Variants in PTGER3 observed in about 807,000 individuals in gnomAD.
PTGER3 encodes prostaglandin E receptor 3.
Under a neutral mutation model 34.7 loss-of-function variants are expected in PTGER3, and 22 were observed. The observed-to-expected ratio is 0.63, with a 90% CI of 0.45 to 0.91. PTGER3 has a LOEUF of 0.91. PTGER3 is among the 40% of genes least tolerant of loss of function. The pLI, the probability that PTGER3 is intolerant of heterozygous loss-of-function variation, is 0.00. For synonymous variants in PTGER3, 241 were observed against 230.1 expected (o/e 1.05, Z -0.43); for missense variants, 468 against 519.4 (o/e 0.90, Z 0.96).
At chr1:71,045,677 T>G (rs74090225) in intron 1 of PTGER3, among the ~76,000 whole-genome samples, 1,721 of 152,230 alleles carry the variant, frequency 0.011, 37 homozygotes, top group African/African-American at 0.039. Context: ...TGTGAGGAGC[T>G]AGGACATGGA....
intron 4 of PTGER3, among the ~76,000 whole-genome samples, chr1:70,883,163 A>G (rs1646427992): frequency 6.6e-6 from 1 of 152,214 alleles, no homozygotes. Context: ...AAAATAGCAC[A>G]GTTGAAACTT....
At chr1:71,034,255 T>C (rs905995745) in intron 1 of PTGER3, among the ~76,000 whole-genome samples, 1 of 152,228 alleles carries the variant, frequency 6.6e-6, no homozygotes, top group African/African-American at 2.4e-5. Flanking sequence ...TTAAACCTAA[T>C]ATTTTAATCT....
chr1:70,930,347 G>C (rs567288612), intron 4 of PTGER3, among the ~76,000 whole-genome samples: 1 of 152,208 alleles, frequency 6.6e-6, no homozygotes, highest in Non-Finnish European at 1.5e-5. Flanking sequence ...TTATTATCTT[G>C]TCCTTACCTG....
chr1:70,938,711 AT>A (rs1394045172), intron 4 of PTGER3, among the ~76,000 whole-genome samples: 1 of 152,110 alleles, frequency 6.6e-6, no homozygotes, highest in East Asian at 1.9e-4. Context: ...GAAACCCCTG[AT>A]AAACCCATCA....
chr1:70,899,890 A>G (rs1300514958), intron 4 of PTGER3, among the ~76,000 whole-genome samples: 1 of 152,136 alleles, frequency 6.6e-6, no homozygotes, highest in Non-Finnish European at 1.5e-5. Flanking sequence ...ATATCCTTCA[A>G]TGACTCAGTA....
At chr1:70,922,720 TA>T (rs1647667189) in intron 4 of PTGER3, among the ~76,000 whole-genome samples, 1 of 152,176 alleles carries the variant, frequency 6.6e-6, no homozygotes, top group East Asian at 1.9e-4. Context: ...GTAAAGAAAG[TA>T]AAATGTGTTT....
At chr1:71,027,010 T>C (rs1461975238) in intron 1 of PTGER3, among the ~76,000 whole-genome samples, 1 of 152,156 alleles carries the variant, frequency 6.6e-6, no homozygotes, top group Non-Finnish European at 1.5e-5. Context: ...ACTCCCTCTC[T>C]CCTTAACGTG....
At chr1:70,975,110 T>C (rs1297404900) in intron 2 of PTGER3, among the ~76,000 whole-genome samples, 1 of 152,200 alleles carries the variant, frequency 6.6e-6, no homozygotes, top group African/African-American at 2.4e-5. Context: ...CGTATAGTTA[T>C]GTGTGTGATT....
chr1:71,009,117 T>A, intron 2 of PTGER3: 1 of 985,032 alleles, frequency 1.0e-6, no homozygotes. Flanking sequence ...ATAAAAAGCG[T>A]TGAATAAATA....
At chr1:70,866,195 T>C (rs1176789082) in intron 4 of PTGER3, among the ~76,000 whole-genome samples, 1 of 152,196 alleles carries the variant, frequency 6.6e-6, no homozygotes, top group Non-Finnish European at 1.5e-5. Context: ...AGAAGATGCC[T>C]AATACATATT....
At chr1:70,961,060 G>T (rs926457) in intron 2 of PTGER3, among the ~76,000 whole-genome samples, 35,785 of 152,060 alleles carry the variant, frequency 0.24, 4,368 homozygotes, top group Middle Eastern at 0.33. Flanking sequence ...CCCAGGTAAT[G>T]CTGATGCTGC....
intron 4 of PTGER3, among the ~76,000 whole-genome samples, chr1:70,902,284 T>G (rs1033651241): frequency 6.6e-6 from 1 of 151,992 alleles, no homozygotes; most frequent in African/African-American, 2.4e-5. Context: ...CTCCACAGGG[T>G]AGTAGACCAG....
chr1:70,895,885 A>C (rs1646713409), intron 4 of PTGER3, among the ~76,000 whole-genome samples: 1 of 152,214 alleles, frequency 6.6e-6, no homozygotes, highest in African/African-American at 2.4e-5. Context: ...CAGGAGAACC[A>C]AATAAAACTT....
intron 2 of PTGER3, among the ~76,000 whole-genome samples, chr1:71,001,522 A>G (rs980440639): frequency 6.6e-6 from 1 of 152,094 alleles, no homozygotes; most frequent in Non-Finnish European, 1.5e-5. Context: ...TTCTTTTTGG[A>G]GAAAAAAAGA....
At chr1:70,994,948 C>T (rs1655802821) in intron 2 of PTGER3, among the ~76,000 whole-genome samples, 2 of 152,012 alleles carry the variant, frequency 1.3e-5, no homozygotes, top group Non-Finnish European at 2.9e-5. Flanking sequence ...GACTGGGACA[C>T]TAAGATTAAA....
intron 1 of PTGER3, among the ~76,000 whole-genome samples, chr1:71,014,052 A>C (rs1657678928): frequency 6.6e-6 from 1 of 152,220 alleles, no homozygotes; most frequent in African/African-American, 2.4e-5. Flanking sequence ...ATAAACATAT[A>C]TTATTCAAAT....
At chr1:71,037,695 C>T (rs1028082862) in intron 1 of PTGER3, among the ~76,000 whole-genome samples, 7 of 148,324 alleles carry the variant, frequency 4.7e-5, no homozygotes, top group African/African-American at 1.7e-4. Flanking sequence ...AGTCGTTAAT[C>T]GTTTTATCTT....
chr1:70,927,231 G>T (rs1648187823), intron 4 of PTGER3, among the ~76,000 whole-genome samples: 1 of 151,952 alleles, frequency 6.6e-6, no homozygotes, highest in Admixed American at 6.6e-5. Context: ...TTTTTCTATT[G>T]ATTGGAATAG....
At chr1:71,041,477 T>A (rs1449203931) in intron 1 of PTGER3, among the ~76,000 whole-genome samples, 1 of 152,206 alleles carries the variant, frequency 6.6e-6, no homozygotes, top group Non-Finnish European at 1.5e-5. Context: ...TGAAAAAGCA[T>A]AGGTCAGAGA....
Sources: gnomAD v4.1 joint callset for allele counts (sites outside exome capture counted in the v4.1 genomes callset) on GRCh38, gnomAD v4.1.1 for gene constraint, MANE v1.5 for transcripts, NCBI Gene and HGNC (gene_info 2026-07-23, HGNC 2026-07-21) for gene names.